LRBA: variants seen among roughly 807,000 people sequenced by gnomAD.
LRBA encodes LPS responsive beige-like anchor protein, also known as lipopolysaccharide-responsive and beige-like anchor protein.
A neutral mutation model predicts 330.0 loss-of-function variants in LRBA; 176 were observed. The observed-to-expected ratio is 0.53, with a 90% CI of 0.47 to 0.60. The LOEUF is 0.60. Among genes scored for constraint, LRBA ranks in the 20% least tolerant of loss-of-function variants. The pLI is 0.00. For synonymous variants in LRBA, 1,230 were observed against 1,193.0 expected (o/e 1.03, Z -0.64); for missense variants, 3,259 against 3,444.8 (o/e 0.95, Z 1.35).
intron 30 of LRBA, among the ~76,000 whole-genome samples, chr4:150,817,585 A>C (rs1462425537): frequency 6.6e-6 from 1 of 151,954 alleles, no homozygotes; most frequent in Non-Finnish European, 1.5e-5. Flanking sequence ...CAACGTTTCC[A>C]CAAGAATTGT....
intron 4 of LRBA, among the ~76,000 whole-genome samples, chr4:150,922,053 G>A (rs1230161569): frequency 6.6e-6 from 1 of 151,656 alleles, no homozygotes; most frequent in Non-Finnish European, 1.5e-5. Flanking sequence ...TAGAGACAGG[G>A]TTTCACCACG....
At chr4:150,773,220 G>T (rs1365991627) in intron 34 of LRBA, among the ~76,000 whole-genome samples, 1 of 152,178 alleles carries the variant, frequency 6.6e-6, no homozygotes, top group African/African-American at 2.4e-5. Context: ...TTTCTCTGTG[G>T]AAGTGAAAAG....
chr4:150,548,109 G>A (rs187575044), intron 40 of LRBA, among the ~76,000 whole-genome samples: 1 of 152,260 alleles, frequency 6.6e-6, no homozygotes, highest in Admixed American at 6.5e-5. Flanking sequence ...CAGCCTTAAA[G>A]CAGCAAGCAC....
intron 47 of LRBA, among the ~76,000 whole-genome samples, chr4:150,383,999 C>T (rs1742677921): frequency 6.6e-6 from 1 of 151,990 alleles, no homozygotes; most frequent in South Asian, 2.1e-4. Flanking sequence ...CTCCTTAATA[C>T]AAACATTAAG....
chr4:150,894,123 G>A (rs563157081), intron 16 of LRBA, among the ~76,000 whole-genome samples: 1 of 152,046 alleles, frequency 6.6e-6, no homozygotes, highest in Non-Finnish European at 1.5e-5. Context: ...TGTGGGGAAG[G>A]GTTATTCTCT....
chr4:150,881,740 CG>C lies in LRBA; in HGVS notation c.2166-8986del, dbSNP rs566239125. ...ACTGTAACACACTAAGATATTTTAACGTATCAAAAAACTATCCTTGCTATAG... is the reference window on the plus strand; with the variant it reads ...ACTGTAACACACTAAGATATTTTAACTATCAAAAAACTATCCTTGCTATAG... On this transcript the variant is annotated intron_variant, in intron 17 of 56. Coordinates refer to ENST00000651943, the MANE Select transcript of LRBA (RefSeq NM_001364905.1). Among the ~76,000 whole-genome samples the C allele has an allele frequency of 7.8e-4, 118 of 152,216 alleles. 2 individuals are homozygous for C. The South Asian group carries it at 0.023, about 30-fold the overall frequency.
intron 47 of LRBA, among the ~76,000 whole-genome samples, chr4:150,408,713 G>A (rs1005396191): frequency 6.6e-6 from 1 of 152,060 alleles, no homozygotes; most frequent in Non-Finnish European, 1.5e-5. Context: ...ACATATAAGT[G>A]TAATATATTT....
At chr4:150,930,042 T>C (rs1003603716) in intron 2 of LRBA, among the ~76,000 whole-genome samples, 10 of 151,950 alleles carry the variant, frequency 6.6e-5, no homozygotes, top group Admixed American at 6.6e-4. Context: ...CGGCAGGGCG[T>C]GGTGGCTCAT....
intron 40 of LRBA, among the ~76,000 whole-genome samples, chr4:150,540,655 A>G (rs1432476122): frequency 2.0e-5 from 3 of 152,198 alleles, no homozygotes; most frequent in Non-Finnish European, 4.4e-5. Context: ...ATACTTTCTT[A>G]AAAGTGTTTT....
intron 51 of LRBA, among the ~76,000 whole-genome samples, chr4:150,312,487 A>G (rs147120316): frequency 4.6e-5 from 7 of 152,128 alleles, no homozygotes; most frequent in African/African-American, 1.7e-4. Flanking sequence ...AAATAAAGAC[A>G]TATTTCCCTT....
intron 37 of LRBA, among the ~76,000 whole-genome samples, chr4:150,649,519 A>C (rs1216654668): frequency 1.3e-5 from 2 of 152,032 alleles, no homozygotes; most frequent in Non-Finnish European, 1.5e-5. Flanking sequence ...TTGATCTATA[A>C]CTCCTATGTC....
rs1448654072 is a variant in LRBA at position 150,848,972 on chromosome 4, A to C, written c.4185T>G (p.Thr1395=). The C allele has an allele frequency of 6.2e-7, 1 of 1,603,878 alleles. No individual in the cohort carries two copies. Among genetic ancestry groups the C allele is most frequent in the Non-Finnish European group, 8.5e-7 (1 of 1,176,810 alleles). Residue 1395 remains threonine (T), a synonymous_variant, in exon 26 of 57, where the codon ACT becomes ACG. Transcript: ENST00000651943. The stretch of plus-strand genomic sequence containing the variant: ...CAGAGGCTTCTATTGAAAGGCCTTG[A>C]GTAGGTTCAATATTTTCCAGTTCAT... The part of the protein sequence containing the change: ...ATHELENIEP[T]QGLSIEASVT...
chr4:150,545,369 A>G (rs894092988), intron 40 of LRBA, among the ~76,000 whole-genome samples: 1 of 152,180 alleles, frequency 6.6e-6, no homozygotes, highest in Non-Finnish European at 1.5e-5. Context: ...ATCTCAGAAA[A>G]TTTTACTCCT....
At chr4:150,720,692 A>T (rs72959864) in intron 36 of LRBA, among the ~76,000 whole-genome samples, 5,040 of 152,214 alleles carry the variant, frequency 0.033, 232 homozygotes, top group African/African-American at 0.11. Context: ...AATCTAAAAA[A>T]TTTTCTAAGA....
At position 150,870,729 on chromosome 4, in the gene LRBA, T is replaced by G. The variant is rs574037870; in HGVS notation, c.2368-123A>C. On this transcript the variant is annotated intron_variant, in intron 19 of 56. Transcript: ENST00000651943. ...AACACTAATCAAAATATAGTATATT[T>G]TTAGTCCAATATTGTCATGCTAAAT... The G allele has an allele frequency of 1.1e-5, 6 of 552,360 alleles. 1 individual carries two copies. In the South Asian group the frequency reaches 1.7e-4, roughly 16 times the overall value. The allele number at this position is 552,360 out of a possible 1,614,324, so 34.2% of individuals were successfully genotyped here.
chr4:150,531,358 T>C (rs1242855198), intron 40 of LRBA, among the ~76,000 whole-genome samples: 1 of 152,210 alleles, frequency 6.6e-6, no homozygotes, highest in African/African-American at 2.4e-5. Context: ...CCTCCAGGCC[T>C]TTCCATTTAC....
chr4:150,957,901 TG>T (rs1737710094), intron 2 of LRBA, among the ~76,000 whole-genome samples: 1 of 149,268 alleles, frequency 6.7e-6, no homozygotes, highest in East Asian at 1.9e-4. Context: ...ATGCAAGAGG[TG>T]GGTTCCCACG....
intron 46 of LRBA, among the ~76,000 whole-genome samples, chr4:150,431,863 C>G (rs1750427703): frequency 6.6e-6 from 1 of 151,794 alleles, no homozygotes; most frequent in Non-Finnish European, 1.5e-5. Flanking sequence ...CAGAGAAATA[C>G]AAATTATCCA....
intron 40 of LRBA, among the ~76,000 whole-genome samples, chr4:150,561,735 T>C (rs1444993715): frequency 6.6e-6 from 1 of 152,190 alleles, no homozygotes; most frequent in Non-Finnish European, 1.5e-5. Context: ...AAGCCATTAC[T>C]TTTGTGGAAA....
Sources: gnomAD v4.1 joint callset for allele counts (sites outside exome capture counted in the v4.1 genomes callset) on GRCh38, gnomAD v4.1.1 for gene constraint, MANE v1.5 for transcripts, NCBI Gene and HGNC (gene_info 2026-07-23, HGNC 2026-07-21) for gene names.